Variants in GMDS observed in about 807,000 individuals in gnomAD.
GMDS encodes GDP-mannose 4,6-dehydratase, also known as GDP-mannose 4,6 dehydratase.
A neutral mutation model predicts 49.9 loss-of-function variants in GMDS; 20 were observed. The observed-to-expected ratio is 0.40, with a 90% CI of 0.28 to 0.58. The LOEUF (loss-of-function observed/expected upper bound fraction) is 0.58, where lower values mean the gene tolerates loss of function less well. GMDS is among the 20% of genes least tolerant of loss of function. GMDS has a pLI of 0.42. For synonymous variants in GMDS, 177 were observed against 178.6 expected (o/e 0.99, Z 0.07); for missense variants, 362 against 481.4 (o/e 0.75, Z 2.32).
chr6:2,155,918 T>C (rs1346422709), intron 1 of GMDS, among the ~76,000 whole-genome samples: 1 of 152,186 alleles, frequency 6.6e-6, no homozygotes, highest in Middle Eastern at 3.2e-3. Context: ...TATTTTAAAC[T>C]AACCTACTTA....
At chr6:1,966,830 A>G (rs1033427943) in intron 4 of GMDS, among the ~76,000 whole-genome samples, 11 of 152,078 alleles carry the variant, frequency 7.2e-5, no homozygotes, top group African/African-American at 2.4e-4. Flanking sequence ...ATCTTCCCTA[A>G]CACTTCCTTC....
At position 2,074,447 on chromosome 6, in the gene GMDS, C is replaced by T. The variant is rs185097689; in HGVS notation, c.345+41324G>A. 9.2e-5 allele frequency among the ~76,000 whole-genome samples: 14 copies of T among 152,034 alleles called. No homozygotes were observed. In the East Asian group the frequency reaches 1.5e-3, roughly 17 times the overall value. ...TGAATAGTTTGCAAATATTTTTTTC[C>T]GCTCAATAGGTTGTTTCTTCATTCT... On this transcript the variant is annotated intron_variant, in intron 4 of 10. Transcript: ENST00000380815.
rs181920522 is a variant in GMDS at position 1,803,936 on chromosome 6, T to G, written c.772-61350A>C. The stretch of plus-strand genomic sequence containing the variant: ...GGGTGAATAAGGTCAGTAAATTATT[T>G]TTGCTGCTTTAAGCTCACAGGTATG... On this transcript the variant is annotated intron_variant, in intron 7 of 10. Coordinates refer to ENST00000380815, the MANE Select transcript of GMDS (RefSeq NM_001500.4). Among the ~76,000 whole-genome samples the G allele has an allele frequency of 1.7e-3, 265 of 152,260 alleles. 1 individual carries two copies. The highest frequency in any genetic ancestry group is 6.3e-3 in the African/African-American group (260 of 41,534).
chr6:1,952,042 C>T lies in GMDS; in HGVS notation c.643+7825G>A, dbSNP rs545986127. On this transcript the variant is annotated intron_variant, in intron 6 of 10. Coordinates refer to ENST00000380815, the MANE Select transcript of GMDS (RefSeq NM_001500.4). ...ATGTACAATATTTACATGACTTCTC[C>T]TAGGATTATTTCTGGTCTCCGTGTT... The T allele has an allele frequency of 1.1e-4, 106 of 964,900 alleles. 1 individual carries two copies. The African/African-American group carries it at 1.8e-3, about 16-fold the overall frequency. The allele number at this position is 964,900 out of a possible 1,614,324, so 59.8% of individuals were successfully genotyped here.
chr6:2,075,390 T>C (rs1772272817), intron 4 of GMDS, among the ~76,000 whole-genome samples: 1 of 152,166 alleles, frequency 6.6e-6, no homozygotes, highest in African/African-American at 2.4e-5. Context: ...CATTTAACAT[T>C]AGGCATACCT....
At chr6:1,695,923 C>T (rs138407116) in intron 9 of GMDS, among the ~76,000 whole-genome samples, 6,203 of 103,800 alleles carry the variant, frequency 0.06, 371 homozygotes, top group African/African-American at 0.19. Context: ...TTTTTTTTTT[C>T]TTTTTTTTTT....
intron 4 of GMDS, among the ~76,000 whole-genome samples, chr6:2,009,787 T>C (rs1050134701): frequency 2.6e-5 from 4 of 152,138 alleles, no homozygotes; most frequent in African/African-American, 7.2e-5. Context: ...AGGATCTTCA[T>C]CTCTATCAGC....
chr6:2,065,373 C>T (rs2127452435), intron 4 of GMDS, among the ~76,000 whole-genome samples: 1 of 152,324 alleles, frequency 6.6e-6, no homozygotes, highest in Non-Finnish European at 1.5e-5. Context: ...CGCCTCTCCT[C>T]CTCCAAAGGA....
chr6:1,936,668 C>T (rs1159401646), intron 6 of GMDS, among the ~76,000 whole-genome samples: 1 of 152,096 alleles, frequency 6.6e-6, no homozygotes, highest in Admixed American at 6.5e-5. Context: ...ACAATGGTCC[C>T]GTAAGATTAC....
At chr6:2,035,160 T>C (rs1157917053) in intron 4 of GMDS, among the ~76,000 whole-genome samples, 4 of 152,216 alleles carry the variant, frequency 2.6e-5, no homozygotes, top group Non-Finnish European at 5.9e-5. Flanking sequence ...CCCTGAACAC[T>C]GTCTCCTCTC....
At chr6:2,002,157 C>T (rs934878698) in intron 4 of GMDS, among the ~76,000 whole-genome samples, 3 of 152,192 alleles carry the variant, frequency 2.0e-5, no homozygotes, top group African/African-American at 7.2e-5. Context: ...AATCACATTT[C>T]CTTTGTTCCA....
At chr6:2,141,968 C>T (rs1293511103) in intron 1 of GMDS, among the ~76,000 whole-genome samples, 1 of 151,986 alleles carries the variant, frequency 6.6e-6, no homozygotes, top group African/African-American at 2.4e-5. Flanking sequence ...CTATAGCATA[C>T]ATTTTGGTTC....
rs1049116377 is a variant in GMDS, at chr6:2,069,713, A to G, written c.345+46058T>C. Among the ~76,000 whole-genome samples the G allele has an allele frequency of 2.0e-3, 303 of 152,292 alleles. 3 individuals are homozygous for G. Among genetic ancestry groups the G allele is most frequent in the African/African-American group, 6.5e-3 (269 of 41,560 alleles). ...CAGAGAAATGCAAATCAAAACCACA[A>G]TGAGATACCATCTCACACCAGTTAG... On this transcript the variant is annotated intron_variant, in intron 4 of 10. Transcript: ENST00000380815.
intron 7 of GMDS, among the ~76,000 whole-genome samples, chr6:1,846,080 C>CTT (rs11298909): frequency 8.2e-5 from 10 of 121,658 alleles, no homozygotes; most frequent in African/African-American, 2.2e-4. Context: ...CACCATGTTT[C>CTT]TTTTTTTTTT....
chr6:2,184,371 G>A (rs1778686299), intron 1 of GMDS, among the ~76,000 whole-genome samples: 1 of 152,134 alleles, frequency 6.6e-6, no homozygotes, highest in Admixed American at 6.5e-5. Flanking sequence ...TAAGCCCCTA[G>A]AAGATCTGGC....
At chr6:1,993,996 G>A (rs569662200) in intron 4 of GMDS, among the ~76,000 whole-genome samples, 1 of 152,312 alleles carries the variant, frequency 6.6e-6, no homozygotes, top group South Asian at 2.1e-4. Flanking sequence ...TGAAGGAAGT[G>A]AAGACAGTAG....
chr6:1,726,308 G>C (rs1766583922), intron 9 of GMDS, 108 bp downstream of exon 9: 6 of 729,242 alleles, frequency 8.2e-6, no homozygotes, highest in Non-Finnish European at 1.5e-5. Flanking sequence ...AGGATGCCAG[G>C]GAGCTGAACT....
chr6:1,920,448 T>C (rs1443617463), intron 7 of GMDS, among the ~76,000 whole-genome samples: 9 of 152,192 alleles, frequency 5.9e-5, no homozygotes, highest in Non-Finnish European at 1.2e-4. Context: ...TGTGTGTGTA[T>C]AGGAAAGAGA....
At chr6:2,023,710 A>G (rs2127408257) in intron 4 of GMDS, among the ~76,000 whole-genome samples, 1 of 152,340 alleles carries the variant, frequency 6.6e-6, no homozygotes, top group East Asian at 1.9e-4. Flanking sequence ...ATGGTCACAA[A>G]AATTATCCCC....
Sources: allele counts gnomAD v4.1 joint callset (sites outside exome capture counted in the v4.1 genomes callset), GRCh38; gene constraint gnomAD v4.1.1; transcripts MANE v1.5; gene names NCBI Gene and HGNC (gene_info 2026-07-23, HGNC 2026-07-21).